AGBL1: variants seen among roughly 807,000 people sequenced by gnomAD.
AGBL1 encodes the protein cytosolic carboxypeptidase 4.
In AGBL1, 130 loss-of-function variants were observed where a neutral mutation model predicts 118.9. The ratio of observed to expected loss-of-function variants is 1.09; its 90% CI spans 0.95 to 1.26. AGBL1 has a LOEUF of 1.26. Ranked by LOEUF, AGBL1 falls within the 50% of genes most tolerant of loss-of-function variation. The pLI, the probability that AGBL1 is intolerant of heterozygous loss-of-function variation, is 0.00. For missense variants in AGBL1, 1,584 were observed against 1,298.1 expected (o/e 1.22, Z -3.38); for synonymous variants, 555 against 478.9 (o/e 1.16, Z -2.08).
At chr15:86,986,558 GA>G (rs2081284863) in intron 23 of AGBL1, among the ~76,000 whole-genome samples, 2 of 152,018 alleles carry the variant, frequency 1.3e-5, no homozygotes, top group East Asian at 3.9e-4. Context: ...AAAGGAGGAG[GA>G]GGAGGAGGAA....
intron 21 of AGBL1, among the ~76,000 whole-genome samples, chr15:86,655,889 G>T (rs928312662): frequency 2.6e-5 from 4 of 152,158 alleles, no homozygotes; most frequent in African/African-American, 9.7e-5. Context: ...TACTATAGAT[G>T]GTTAGTGTGA....
At chr15:86,361,227 G>A (rs2080800584) in intron 17 of AGBL1, among the ~76,000 whole-genome samples, 1 of 151,838 alleles carries the variant, frequency 6.6e-6, no homozygotes, top group Non-Finnish European at 1.5e-5. Context: ...GGTTGTTAGA[G>A]TATGTTGTTT....
At chr15:86,428,218 G>A (rs1203903213) in intron 18 of AGBL1, among the ~76,000 whole-genome samples, 2 of 152,184 alleles carry the variant, frequency 1.3e-5, no homozygotes, top group African/African-American at 4.8e-5. Context: ...TGGGTATTTG[G>A]AATCCTCATG....
intron 21 of AGBL1, among the ~76,000 whole-genome samples, chr15:86,650,470 G>T (rs180791675): frequency 6.6e-6 from 1 of 152,278 alleles, no homozygotes; most frequent in East Asian, 1.9e-4. Context: ...ATAAGCTACT[G>T]TTATTGTGGT....
In AGBL1 at chr15:86,257,423, G is replaced by A. The variant is rs532518543; in HGVS notation, c.901+405G>A. Reference sequence around the variant, plus strand: ...TTTACAACTGCAGGCTAGTCATATTGGAATATTTGAAAGTATTATTATTTA... The same window carrying A: ...TTTACAACTGCAGGCTAGTCATATTAGAATATTTGAAAGTATTATTATTTA... On this transcript the variant is annotated intron_variant, in intron 8 of 22. Transcript: ENST00000614907. Among the ~76,000 whole-genome samples, 13 of 152,244 alleles carry A rather than the reference G, an allele frequency of 8.5e-5. No homozygotes were observed. In the East Asian group the frequency reaches 2.3e-3, roughly 27 times the overall value.
At chr15:87,027,468 TTATATAA>T (rs2081742576) in intron 24 of AGBL1, among the ~76,000 whole-genome samples, 2 of 37,876 alleles carry the variant, frequency 5.3e-5, no homozygotes, top group African/African-American at 4.4e-4. Flanking sequence ...GTATTATGCA[TTATATAA>T]TACATTATAT....
chr15:86,787,202 C>G (rs1387311848), intron 22 of AGBL1, among the ~76,000 whole-genome samples: 1 of 151,826 alleles, frequency 6.6e-6, no homozygotes, highest in African/African-American at 2.4e-5. Flanking sequence ...CTAACATATC[C>G]ACAACATATC....
intron 21 of AGBL1, among the ~76,000 whole-genome samples, chr15:86,567,560 T>G (rs887184534): frequency 6.6e-6 from 1 of 152,220 alleles, no homozygotes; most frequent in African/African-American, 2.4e-5. Flanking sequence ...TAAAAGGCTA[T>G]TCTAATTATG....
At chr15:86,775,289 A>T (rs1009598366) in intron 22 of AGBL1, among the ~76,000 whole-genome samples, 4 of 152,146 alleles carry the variant, frequency 2.6e-5, no homozygotes, top group Non-Finnish European at 5.9e-5. Flanking sequence ...TTAATTCCAG[A>T]TGTGGTATAG....
chr15:86,376,784 C>A (rs1431233), intron 17 of AGBL1, among the ~76,000 whole-genome samples: 31,826 of 152,158 alleles, frequency 0.21, 4,187 homozygotes, highest in East Asian at 0.61. Flanking sequence ...TGCCAAAGCA[C>A]CCAAACAAAT....
intron 1 of AGBL1, chr15:86,138,202 T>A (rs1482536839): frequency 6.6e-6 from 1 of 152,196 alleles, no homozygotes; most frequent in Non-Finnish European, 1.5e-5. Context: ...TCCCCCAGCC[T>A]CCCCATGCTC....
chr15:86,428,195 C>T (rs987754375), intron 18 of AGBL1, among the ~76,000 whole-genome samples: 14 of 152,130 alleles, frequency 9.2e-5, no homozygotes, highest in Non-Finnish European at 1.6e-4. Context: ...TTACATAAAT[C>T]CAAATGAAAC....
At chr15:86,239,744 A>G (rs1262932738) in intron 6 of AGBL1, among the ~76,000 whole-genome samples, 1 of 152,190 alleles carries the variant, frequency 6.6e-6, no homozygotes, top group Non-Finnish European at 1.5e-5. Flanking sequence ...GGATTGGCTA[A>G]AAGCCACTCT....
intron 5 of AGBL1, among the ~76,000 whole-genome samples, chr15:86,178,785 G>C (rs1001952957): frequency 1.3e-5 from 2 of 152,140 alleles, no homozygotes; most frequent in Non-Finnish European, 2.9e-5. Flanking sequence ...TACAAAGAAG[G>C]AAAACTTCCA....
At chr15:86,196,688 A>G (rs1033548598) in intron 5 of AGBL1, among the ~76,000 whole-genome samples, 5 of 152,134 alleles carry the variant, frequency 3.3e-5, no homozygotes, top group Non-Finnish European at 7.4e-5. Flanking sequence ...CACCAAGTAC[A>G]TATGTTGAAG....
chr15:86,300,366 C>T (rs1214901048), intron 17 of AGBL1, among the ~76,000 whole-genome samples: 2 of 152,138 alleles, frequency 1.3e-5, no homozygotes, highest in East Asian at 3.8e-4. Flanking sequence ...TATTGCCAAA[C>T]TGGACATCTC....
chr15:86,101,637 T>A (rs1896725353), intron 1 of AGBL1, among the ~76,000 whole-genome samples: 2 of 152,032 alleles, frequency 1.3e-5, no homozygotes, highest in South Asian at 4.1e-4. Context: ...TTGTCTTTTT[T>A]TTTTTTTTTA....
intron 21 of AGBL1, among the ~76,000 whole-genome samples, chr15:86,670,650 G>GTGTATATATA (rs369000727): frequency 1.6e-4 from 23 of 141,136 alleles, no homozygotes; most frequent in East Asian, 4.5e-4. Context: ...GTGTGTGTGT[G>GTGTATATATA]TATATATATA....
At chr15:86,944,698 A>T (rs551228208) in intron 23 of AGBL1, among the ~76,000 whole-genome samples, 1 of 152,338 alleles carries the variant, frequency 6.6e-6, no homozygotes, top group Non-Finnish European at 1.5e-5. Flanking sequence ...GAAATCTGCA[A>T]ATTTTTAATA....
Sources: gnomAD v4.1 joint callset for allele counts (sites outside exome capture counted in the v4.1 genomes callset) on GRCh38, gnomAD v4.1.1 for gene constraint, MANE v1.5 for transcripts, NCBI Gene and HGNC (gene_info 2026-07-23, HGNC 2026-07-21) for gene names.